TMEM242: variants seen among roughly 807,000 people sequenced by gnomAD.
TMEM242 encodes the protein transmembrane protein 242, also known as UPF0463 transmembrane protein C6orf35.
A neutral mutation model predicts 18.2 loss-of-function variants in TMEM242; 10 were observed. The observed-to-expected ratio is 0.55, with a 90% confidence interval of 0.34 to 0.93. The LOEUF is 0.93. Ranked by LOEUF, TMEM242 falls within the 40% of genes least tolerant of loss-of-function variation. TMEM242 has a pLI of 0.02. For synonymous variants in TMEM242, 57 were observed against 69.9 expected, an observed-to-expected ratio of 0.81 and a Z score of 0.92; for missense variants, 186 against 175.5, an observed-to-expected ratio of 1.06 and a Z score of -0.34.
chr6:157,322,012 G>A (rs1778504552), intron 2 of TMEM242, among the ~76,000 whole-genome samples: 1 of 152,212 alleles, frequency 6.6e-6, no homozygotes, highest in African/African-American at 2.4e-5. Context: ...TAAGGCTTAA[G>A]TATGATTATT....
At chr6:157,309,583 G>T (rs1483843073) in intron 3 of TMEM242, among the ~76,000 whole-genome samples, 2 of 151,944 alleles carry the variant, frequency 1.3e-5, no homozygotes, top group African/African-American at 2.4e-5. Flanking sequence ...TAAAAACAAG[G>T]TCTCGCTATG....
At chr6:157,306,467 G>A (rs1777919866) in intron 3 of TMEM242, among the ~76,000 whole-genome samples, 1 of 152,160 alleles carries the variant, frequency 6.6e-6, no homozygotes, top group Non-Finnish European at 1.5e-5. Context: ...CAGCTTTGTG[G>A]GTGATGCTGC....
intron 3 of TMEM242, among the ~76,000 whole-genome samples, chr6:157,301,729 C>T (rs1019745201): frequency 3.3e-5 from 5 of 152,036 alleles, no homozygotes; most frequent in African/African-American, 4.8e-5. Context: ...GTCAGAAGTT[C>T]GAGACCAGCC....
chr6:157,293,908 A>T (rs782426821), intron 3 of TMEM242, among the ~76,000 whole-genome samples: 2 of 152,016 alleles, frequency 1.3e-5, no homozygotes, highest in African/African-American at 2.4e-5. Flanking sequence ...TTGGGTAGAG[A>T]TGGGGTCTTG....
chr6:157,310,159 C>A (rs782425519), intron 3 of TMEM242, among the ~76,000 whole-genome samples: 10 of 152,202 alleles, frequency 6.6e-5, no homozygotes, highest in Non-Finnish European at 1.0e-4. Context: ...CAAGTATCAA[C>A]ACGTACTATA....
At chr6:157,320,176 C>T (rs1004857245) in intron 2 of TMEM242, among the ~76,000 whole-genome samples, 3 of 152,270 alleles carry the variant, frequency 2.0e-5, no homozygotes, top group South Asian at 2.1e-4. Context: ...AGTGGTCATA[C>T]TCTAATTCCA....
At chr6:157,299,933 A>G (rs782015379) in intron 3 of TMEM242, 133 of 1,606,278 alleles carry the variant, frequency 8.3e-5, no homozygotes, top group Admixed American at 1.7e-4. Context: ...TCCAGTTCCT[A>G]TGATGGAGAC....
chr6:157,312,882 C>T lies in TMEM242; in HGVS notation c.327+5900G>A, dbSNP rs1554249482. Reference sequence around the variant, plus strand: ...TCATAGTGTCCCAGTGTGCACTCACCTAGCCTCATCATAGTGTCCCACTGT... The same window carrying T: ...TCATAGTGTCCCAGTGTGCACTCACTTAGCCTCATCATAGTGTCCCACTGT... On this transcript the variant is annotated intron_variant, in intron 3 of 3. Transcript: ENST00000400788. Among the ~76,000 whole-genome samples, 4 of 152,122 alleles carry T rather than the reference C, an allele frequency of 2.6e-5. No homozygotes were observed. In the East Asian group the frequency reaches 7.7e-4, roughly 29 times the overall value.
At chr6:157,310,846 G>GTA (rs1778016608) in intron 3 of TMEM242, among the ~76,000 whole-genome samples, 1 of 139,840 alleles carries the variant, frequency 7.2e-6, no homozygotes, top group African/African-American at 2.6e-5. Flanking sequence ...TAGTGTCCCA[G>GTA]TGTGCACTCA....
intron 3 of TMEM242, among the ~76,000 whole-genome samples, chr6:157,300,684 G>C (rs1777818383): frequency 6.6e-6 from 1 of 152,168 alleles, no homozygotes; most frequent in Admixed American, 6.5e-5. Context: ...ACCCACACTG[G>C]GACAGTCAGC....
chr6:157,321,305 GC>G (rs1778493759), intron 2 of TMEM242, among the ~76,000 whole-genome samples: 1 of 152,078 alleles, frequency 6.6e-6, no homozygotes, highest in African/African-American at 2.4e-5. Context: ...ACCTCGCCCG[GC>G]CTTGTATTTC....
At chr6:157,320,942 G>GA (rs1333176418) in intron 2 of TMEM242, among the ~76,000 whole-genome samples, 35 of 149,646 alleles carry the variant, frequency 2.3e-4, no homozygotes, top group Admixed American at 2.1e-3. Flanking sequence ...CTTTTCTAGA[G>GA]AAAAAATCCT....
chr6:157,294,860 C>A (rs1010538072), intron 3 of TMEM242, among the ~76,000 whole-genome samples: 2 of 152,168 alleles, frequency 1.3e-5, no homozygotes, highest in Non-Finnish European at 2.9e-5. Flanking sequence ...CTAGCTCCAC[C>A]ATTTGGGAAA....
chr6:157,315,062 A>G (rs2128417407), intron 3 of TMEM242, among the ~76,000 whole-genome samples: 1 of 152,362 alleles, frequency 6.6e-6, no homozygotes, highest in South Asian at 2.1e-4. Flanking sequence ...TTGAGTGCAT[A>G]GACTTGGACC....
chr6:157,310,826 G>GTGCCCCAGTGTGCACTCACCTA (rs1778015089), intron 3 of TMEM242, among the ~76,000 whole-genome samples: 1 of 2,512 alleles, frequency 4.0e-4, no homozygotes, highest in Non-Finnish European at 9.3e-4. Flanking sequence ...GCACTCACCC[G>GTGCCCCAGTGTGCACTCACCTA]GCCTCATCAT....
At chr6:157,312,412 G>C (rs1583568893) in intron 3 of TMEM242, among the ~76,000 whole-genome samples, 1 of 128,720 alleles carries the variant, frequency 7.8e-6, no homozygotes, top group African/African-American at 3.0e-5. Flanking sequence ...CACTCACCTA[G>C]CCTCATCATA....
chr6:157,290,114 G>C lies in TMEM242; in HGVS notation c.*2787C>G, dbSNP rs1554246763. ...CCAGGATACATGTTTTCCCTTGAAT[G>C]AATCCTGGGGTCTCGGAAGCCACTC... On this transcript the variant is annotated 3_prime_UTR_variant, in exon 4 of 4. Transcript: ENST00000400788. The C allele has an allele frequency of 1.3e-5, 2 of 152,208 alleles. No homozygotes were observed. Among genetic ancestry groups the C allele is most frequent in the Non-Finnish European group, 2.9e-5 (2 of 68,058 alleles). 9.4% of individuals were successfully genotyped at this position (152,208 alleles called of 1,614,324 possible).
At chr6:157,321,904 G>A (rs1196614047) in intron 2 of TMEM242, among the ~76,000 whole-genome samples, 1 of 152,104 alleles carries the variant, frequency 6.6e-6, no homozygotes, top group Non-Finnish European at 1.5e-5. Flanking sequence ...GACCCACAAG[G>A]TCCATAGCAG....
intron 3 of TMEM242, among the ~76,000 whole-genome samples, chr6:157,302,518 T>C (rs1554247596): frequency 6.6e-6 from 1 of 152,172 alleles, no homozygotes; most frequent in Non-Finnish European, 1.5e-5. Flanking sequence ...TTTTTCCCCT[T>C]AGCCACAACT....
Sources: allele counts gnomAD v4.1 joint callset (sites outside exome capture counted in the v4.1 genomes callset), GRCh38; gene constraint gnomAD v4.1.1; transcripts MANE v1.5; gene names NCBI Gene and HGNC (gene_info 2026-07-23, HGNC 2026-07-21).